CACNA2D3: variants seen among roughly 807,000 people sequenced by gnomAD.
CACNA2D3 encodes calcium voltage-gated channel auxiliary subunit alpha2delta 3.
CACNA2D3 carries 60 observed loss-of-function variants against 160.6 expected under a neutral mutation model. The observed-to-expected ratio is 0.37, with a 90% confidence interval of 0.30 to 0.46. The LOEUF is 0.46. Among genes scored for constraint, CACNA2D3 ranks in the 20% least tolerant of loss-of-function variants. The probability of loss-of-function intolerance (pLI) is 1.00; values close to 1 mark genes in which losing one functional copy is unlikely to be tolerated. For missense variants in CACNA2D3, 1,205 were observed against 1,365.0 expected (o/e 0.88, Z 1.85); for synonymous variants, 558 against 492.9 (o/e 1.13, Z -1.75).
chr3:55,033,864 A>T (rs796897193), intron 35 of CACNA2D3, among the ~76,000 whole-genome samples: 1,730 of 90,788 alleles, frequency 0.019, 178 homozygotes, highest in African/African-American at 0.03. Flanking sequence ...AATATATTTA[A>T]TATATAATAT....
intron 9 of CACNA2D3, among the ~76,000 whole-genome samples, chr3:54,597,087 A>G (rs756291973): frequency 2.1e-4 from 32 of 152,190 alleles, no homozygotes; most frequent in Non-Finnish European, 4.3e-4. Flanking sequence ...CATCCCAGCC[A>G]ATCAGTCTCC....
chr3:54,938,299 G>C lies in CACNA2D3; in HGVS notation c.2450-30151G>C, dbSNP rs1701379527. Among the ~76,000 whole-genome samples, 3 of 152,336 alleles carry C rather than the reference G, an allele frequency of 2.0e-5. No homozygotes were observed. In the East Asian group the frequency reaches 5.8e-4, roughly 29 times the overall value. ...CAGATGCAAACACTGCAGCAGACCAGAAGTGGCAAATGAGTGTTTACGTCC... is the reference window on the plus strand; with the variant it reads ...CAGATGCAAACACTGCAGCAGACCACAAGTGGCAAATGAGTGTTTACGTCC... On this transcript the variant is annotated intron_variant, in intron 27 of 37. Coordinates refer to ENST00000474759, the MANE Select transcript of CACNA2D3 (RefSeq NM_018398.3).
intron 13 of CACNA2D3, among the ~76,000 whole-genome samples, chr3:54,786,976 T>C (rs185069957): frequency 7.9e-5 from 12 of 152,346 alleles, no homozygotes; most frequent in African/African-American, 2.9e-4. Context: ...CATGGAGATA[T>C]GGAAGCCATT....
intron 4 of CACNA2D3, among the ~76,000 whole-genome samples, chr3:54,462,623 G>T (rs558143199): frequency 2.6e-5 from 4 of 152,098 alleles, no homozygotes; most frequent in African/African-American, 9.6e-5. Context: ...TTTTCCATTT[G>T]CTTGGTAGAT....
chr3:54,620,085 C>T (rs1338799638), intron 9 of CACNA2D3, among the ~76,000 whole-genome samples: 1 of 152,106 alleles, frequency 6.6e-6, no homozygotes, highest in African/African-American at 2.4e-5. Context: ...GTTTGGAGCA[C>T]AGTAGTAGTG....
At chr3:54,430,506 C>G (rs919364907) in intron 4 of CACNA2D3, among the ~76,000 whole-genome samples, 2 of 152,148 alleles carry the variant, frequency 1.3e-5, no homozygotes, top group Non-Finnish European at 2.9e-5. Flanking sequence ...CATCAAGTAA[C>G]CAGTTTTATA....
chr3:54,494,618 A>G (rs1234522680), intron 4 of CACNA2D3, among the ~76,000 whole-genome samples: 2 of 152,202 alleles, frequency 1.3e-5, no homozygotes, highest in Non-Finnish European at 2.9e-5. Flanking sequence ...TAATATGTGA[A>G]GCGCTTTGGT....
intron 5 of CACNA2D3, among the ~76,000 whole-genome samples, chr3:54,504,758 C>T (rs1414425681): frequency 1.3e-5 from 2 of 152,170 alleles, no homozygotes; most frequent in African/African-American, 2.4e-5. Context: ...AAGTCCTGAT[C>T]TTCCTCTTGT....
intron 31 of CACNA2D3, among the ~76,000 whole-genome samples, chr3:54,992,691 G>A (rs1383715164): frequency 6.6e-6 from 1 of 151,750 alleles, no homozygotes; most frequent in African/African-American, 2.4e-5. Flanking sequence ...CCCTTAGGGT[G>A]TGATGGGAGG....
intron 27 of CACNA2D3, among the ~76,000 whole-genome samples, chr3:54,957,125 A>G (rs188891851): frequency 8.0e-4 from 122 of 152,008 alleles, no homozygotes; most frequent in African/African-American, 2.8e-3. Context: ...TATGATTACT[A>G]TGTGATATAA....
In CACNA2D3 at chr3:54,924,620, T is replaced by A. The variant is rs751385198; in HGVS notation, c.2449+24752T>A. On this transcript the variant is annotated intron_variant, in intron 27 of 37. Coordinates refer to ENST00000474759, the MANE Select transcript of CACNA2D3 (RefSeq NM_018398.3). ...GGGTTCCAAATAGACATGACTGACC[T>A]TTATAGACAAATTTCTCCAGCCAGA... is the stretch of plus-strand genomic sequence containing the variant. The A allele has an allele frequency of 1.2e-6, 2 of 1,612,694 alleles. No individual in the cohort carries two copies. The highest frequency in any genetic ancestry group is 1.7e-6 in the Non-Finnish European group (2 of 1,178,980).
chr3:55,034,750 C>A (rs1252567395), intron 35 of CACNA2D3, among the ~76,000 whole-genome samples: 1 of 151,984 alleles, frequency 6.6e-6, no homozygotes, highest in East Asian at 1.9e-4. Flanking sequence ...AACATAATTT[C>A]TTAAAAAACT....
intron 27 of CACNA2D3, among the ~76,000 whole-genome samples, chr3:54,926,619 A>G (rs890187592): frequency 6.6e-5 from 10 of 152,114 alleles, no homozygotes; most frequent in Admixed American, 2.0e-4. Context: ...TCATTCTGCA[A>G]TTTGCTCTGT....
rs148628476 is a variant in CACNA2D3, at chr3:54,171,328, G to A, written c.204+47734G>A. ...AGTGCTATCGGGTACATTCTGACAG[G>A]CCCTGCAGTCTTCGTGGTTGTAGTT... On this transcript the variant is annotated intron_variant, in intron 2 of 37. Coordinates refer to ENST00000474759, the MANE Select transcript of CACNA2D3 (RefSeq NM_018398.3). Among the ~76,000 whole-genome samples the A allele has an allele frequency of 1.7e-3, 261 of 151,688 alleles. No individual in the cohort carries two copies. The Middle Eastern group carries it at 0.021, about 12-fold the overall frequency.
At chr3:54,341,673 A>G (rs1004285231) in intron 3 of CACNA2D3, among the ~76,000 whole-genome samples, 23 of 152,298 alleles carry the variant, frequency 1.5e-4, no homozygotes, top group Admixed American at 1.0e-3. Context: ...ATCTCCAGCA[A>G]TTGATAGCTA....
chr3:54,541,929 T>A (rs1575512546), intron 5 of CACNA2D3, among the ~76,000 whole-genome samples: 1 of 111,052 alleles, frequency 9.0e-6, no homozygotes, highest in Non-Finnish European at 2.3e-5. Flanking sequence ...TAGGAAAGGG[T>A]GTGTGTGGGT....
chr3:54,976,336 T>C (rs1293986436), intron 29 of CACNA2D3, among the ~76,000 whole-genome samples: 4 of 40,124 alleles, frequency 1.0e-4, no homozygotes, highest in Non-Finnish European at 4.8e-5. Flanking sequence ...TGTTGTGGGG[T>C]GGGGGGAGGG....
intron 9 of CACNA2D3, among the ~76,000 whole-genome samples, chr3:54,619,759 GT>G (rs1283646496): frequency 6.6e-6 from 1 of 151,436 alleles, no homozygotes; most frequent in Non-Finnish European, 1.5e-5. Flanking sequence ...CCTAGGCTTG[GT>G]GGTAGCCATG....
At chr3:54,884,783 A>G (rs1332361267) in intron 21 of CACNA2D3, among the ~76,000 whole-genome samples, 1 of 152,238 alleles carries the variant, frequency 6.6e-6, no homozygotes, top group African/African-American at 2.4e-5. Context: ...TGACGACTTC[A>G]TATTGTTCAA....
Sources: allele counts gnomAD v4.1 joint callset (sites outside exome capture counted in the v4.1 genomes callset), GRCh38; gene constraint gnomAD v4.1.1; transcripts MANE v1.5; gene names NCBI Gene and HGNC (gene_info 2026-07-23, HGNC 2026-07-21).